BCAS3: variants seen among roughly 807,000 people sequenced by gnomAD.
BCAS3 encodes BCAS4/BCAS3 fusion.
In BCAS3, 53 loss-of-function variants were observed where a neutral mutation model predicts 116.1. The ratio of observed to expected loss-of-function variants is 0.46; its 90% CI spans 0.37 to 0.57. BCAS3 has a LOEUF of 0.57. Among genes scored for constraint, BCAS3 ranks in the 20% least tolerant of loss-of-function variants. The pLI is 0.00. For synonymous variants in BCAS3, 391 were observed against 408.2 expected, an observed-to-expected ratio of 0.96 and a Z score of 0.51; for missense variants, 917 against 1,165.4, an observed-to-expected ratio of 0.79 and a Z score of 3.10.
intron 6 of BCAS3, among the ~76,000 whole-genome samples, chr17:60,796,876 C>T (rs1333952897): frequency 6.6e-6 from 1 of 152,084 alleles, no homozygotes; most frequent in Non-Finnish European, 1.5e-5. Flanking sequence ...TTAGCACCGC[C>T]TTTGCTATAT....
At chr17:60,890,283 G>A (rs570529365) in intron 10 of BCAS3, among the ~76,000 whole-genome samples, 25 of 151,972 alleles carry the variant, frequency 1.6e-4, no homozygotes, top group African/African-American at 3.4e-4. Flanking sequence ...GTGAAACCCC[G>A]TCTCTACTAA....
chr17:61,368,008 G>A lies in BCAS3; in HGVS notation c.2426-319G>A, dbSNP rs2058830132. ...AAGAGGAAAGTAGGGATCCGTTTGG[G>A]TTGAACCTGGGAAGGGGGTTGCCTT... On this transcript the variant is annotated intron_variant, in intron 22 of 23. Transcript: ENST00000407086. The surrounding 1 kb of genome is among the most constrained non-coding windows in gnomAD (Gnocchi z 6.0). The A allele has an allele frequency of 4.4e-6, 1 of 226,932 alleles. No homozygotes were observed. Among genetic ancestry groups the A allele is most frequent in the Non-Finnish European group, 8.6e-6 (1 of 116,772 alleles). The allele number at this position is 226,932 out of a possible 1,614,324, so 14.1% of individuals were successfully genotyped here.
chr17:61,230,293 AC>A (rs2082599532), intron 22 of BCAS3, among the ~76,000 whole-genome samples: 2 of 151,978 alleles, frequency 1.3e-5, no homozygotes, highest in Admixed American at 1.3e-4. Flanking sequence ...ACCATTATGT[AC>A]CCCCCAGAAA....
intron 14 of BCAS3, among the ~76,000 whole-genome samples, chr17:60,948,292 A>G (rs1175528223): frequency 6.6e-6 from 1 of 151,922 alleles, no homozygotes; most frequent in African/African-American, 2.4e-5. Context: ...CATTTTTAGT[A>G]GAGACGGTGT....
chr17:61,206,925 GT>G (rs537375467), intron 22 of BCAS3, among the ~76,000 whole-genome samples: 1,482 of 143,312 alleles, frequency 0.01, 21 homozygotes, highest in African/African-American at 0.035. Flanking sequence ...GGTTTTTGGT[GT>G]TTTTTTTTTT....
At chr17:60,916,135 T>C (rs1174508878) in intron 12 of BCAS3, among the ~76,000 whole-genome samples, 1 of 152,244 alleles carries the variant, frequency 6.6e-6, no homozygotes, top group Non-Finnish European at 1.5e-5. Flanking sequence ...AGGTTTTTAA[T>C]GTGGATATGT....
chr17:60,754,514 G>A (rs2042804093), intron 6 of BCAS3, among the ~76,000 whole-genome samples: 2 of 152,154 alleles, frequency 1.3e-5, no homozygotes, highest in South Asian at 4.1e-4. Flanking sequence ...AAGGACTACA[G>A]GTGTAATCCT....
intron 15 of BCAS3, among the ~76,000 whole-genome samples, chr17:61,009,512 A>G (rs1298048716): frequency 6.6e-6 from 1 of 151,918 alleles, no homozygotes; most frequent in Non-Finnish European, 1.5e-5. Flanking sequence ...CTGATCTACA[A>G]CTATTGTCAT....
chr17:61,216,867 G>A (rs931040875), intron 22 of BCAS3, among the ~76,000 whole-genome samples: 1 of 152,008 alleles, frequency 6.6e-6, no homozygotes, highest in Non-Finnish European at 1.5e-5. Context: ...TGTGACATGA[G>A]ATGATTTTCA....
At chr17:61,322,878 G>T (rs1439137213) in intron 22 of BCAS3, among the ~76,000 whole-genome samples, 2 of 148,086 alleles carry the variant, frequency 1.4e-5, no homozygotes, top group African/African-American at 5.1e-5. Context: ...GAGAGAGAGA[G>T]AGGTGGTGGG....
intron 7 of BCAS3, among the ~76,000 whole-genome samples, chr17:60,843,914 G>C (rs183018272): frequency 1.3e-5 from 2 of 152,306 alleles, no homozygotes; most frequent in East Asian, 3.9e-4. Context: ...TCAACAGTGG[G>C]AAGGATTTTG....
At chr17:60,937,333 C>G (rs1252503772) in intron 13 of BCAS3, among the ~76,000 whole-genome samples, 1 of 150,540 alleles carries the variant, frequency 6.6e-6, no homozygotes, top group African/African-American at 2.4e-5. Context: ...AGTGTTTTAA[C>G]TTTCTAACTG....
intron 5 of BCAS3, among the ~76,000 whole-genome samples, chr17:60,714,217 C>T (rs753369153): frequency 1.4e-4 from 21 of 152,132 alleles, no homozygotes; most frequent in South Asian, 2.1e-4. Context: ...GTCCTCCTGC[C>T]GTGGCCTCCC....
intron 22 of BCAS3, among the ~76,000 whole-genome samples, chr17:61,116,483 CAA>C (rs1334055621): frequency 6.6e-6 from 1 of 152,132 alleles, no homozygotes; most frequent in African/African-American, 2.4e-5. Context: ...AGAACCACAT[CAA>C]AGAGTGTTGT....
In BCAS3 at chr17:60,728,705, C is replaced by G. The variant is rs373641833; in HGVS notation, c.322-18493C>G. Among the ~76,000 whole-genome samples, 5 of 152,190 alleles carry G rather than the reference C, an allele frequency of 3.3e-5. No individual in the cohort carries two copies. In the South Asian group the frequency reaches 1.0e-3, roughly 32 times the overall value. On this transcript the variant is annotated intron_variant, in intron 5 of 23. Coordinates refer to ENST00000407086, the MANE Select transcript of BCAS3 (RefSeq NM_017679.5). Reference sequence around the variant, plus strand: ...ATGTTGGTCAGGCTGGTCTCGGACTCCTGACCTCAAGCAATCTACCGCCTC... The same window carrying G: ...ATGTTGGTCAGGCTGGTCTCGGACTGCTGACCTCAAGCAATCTACCGCCTC...
In BCAS3 at chr17:61,239,728, T is replaced by G. The variant is rs891954758; in HGVS notation, c.2426-128599T>G. Among the ~76,000 whole-genome samples, 2 of 152,234 alleles carry G rather than the reference T, an allele frequency of 1.3e-5. No homozygotes were observed. The highest frequency in any genetic ancestry group is 6.5e-5 in the Admixed American group (1 of 15,282). ...TACTTAAAATTAAGAACTTAAAGAT[T>G]TTAATCAAGATAATCCTAAAATGTC... On this transcript the variant is annotated intron_variant, in intron 22 of 23. Coordinates refer to ENST00000407086, the MANE Select transcript of BCAS3 (RefSeq NM_017679.5). This position sits in a 1 kb window ranked among gnomAD's most constrained non-coding sequence, Gnocchi z 4.2.
chr17:61,223,583 C>G (rs1218109247), intron 22 of BCAS3, among the ~76,000 whole-genome samples: 1 of 152,186 alleles, frequency 6.6e-6, no homozygotes, highest in African/African-American at 2.4e-5. Flanking sequence ...TGGGTACTGT[C>G]TCCATGCTCA....
intron 4 of BCAS3, among the ~76,000 whole-genome samples, chr17:60,701,805 C>CAAAAAAAAAA (rs71370178): frequency 2.3e-4 from 18 of 77,040 alleles, no homozygotes; most frequent in African/African-American, 8.2e-4. Context: ...ACTAAAAATA[C>CAAAAAAAAAA]AAAAAAAAAA....
chr17:61,038,141 C>T, intron 18 of BCAS3, 87 bp downstream of exon 18: 1 of 1,182,312 alleles, frequency 8.5e-7, no homozygotes, highest in Non-Finnish European at 1.2e-6. Flanking sequence ...TTTTGACATG[C>T]ATACAGCTAC....
Sources: gnomAD v4.1 joint callset for allele counts (sites outside exome capture counted in the v4.1 genomes callset) on GRCh38, gnomAD v4.1.1 for gene constraint, Gnocchi (gnomAD v3.1) non-coding constraint, MANE v1.5 for transcripts, NCBI Gene and HGNC (gene_info 2026-07-23, HGNC 2026-07-21) for gene names.